NRXN3: variants seen among roughly 807,000 people sequenced by gnomAD.
NRXN3 encodes the protein neurexin 3.
NRXN3 carries 32 observed loss-of-function variants against 137.6 expected under a neutral mutation model. The ratio of observed to expected loss-of-function variants is 0.23; its 90% confidence interval spans 0.18 to 0.31. The LOEUF (loss-of-function observed/expected upper bound fraction) is 0.31, where lower values mean the gene tolerates loss of function less well. NRXN3 is among the 10% of genes least tolerant of loss of function. The pLI, the probability that NRXN3 is intolerant of heterozygous loss-of-function variation, is 1.00. For missense variants in NRXN3, 1,574 were observed against 2,062.5 expected (o/e 0.76, Z 4.59); for synonymous variants, 798 against 784.5 (o/e 1.02, Z -0.29).
At chr14:78,808,459 C>G (rs1367269013) in intron 9 of NRXN3, among the ~76,000 whole-genome samples, 2 of 152,314 alleles carry the variant, frequency 1.3e-5, no homozygotes, top group East Asian at 1.9e-4. Context: ...TTTCCTCTCT[C>G]TCTTTAATAT....
chr14:78,518,969 C>G (rs1400505196), intron 4 of NRXN3, among the ~76,000 whole-genome samples: 2 of 152,114 alleles, frequency 1.3e-5, no homozygotes, highest in Non-Finnish European at 2.9e-5. Context: ...CAGGAACTGT[C>G]ACTCTTCTTC....
At chr14:79,356,127 A>G (rs2093413921) in intron 15 of NRXN3, among the ~76,000 whole-genome samples, 1 of 152,204 alleles carries the variant, frequency 6.6e-6, no homozygotes, top group African/African-American at 2.4e-5. Flanking sequence ...TGTCTTTTAA[A>G]AGACTAAATT....
chr14:78,743,449 A>G (rs946623666), intron 8 of NRXN3, among the ~76,000 whole-genome samples: 10 of 152,218 alleles, frequency 6.6e-5, no homozygotes, highest in African/African-American at 2.4e-4. Flanking sequence ...CACAGAGTCA[A>G]CTTTTGTCTG....
chr14:79,543,894 C>A (rs2097296086), intron 16 of NRXN3, among the ~76,000 whole-genome samples: 1 of 152,142 alleles, frequency 6.6e-6, no homozygotes, highest in African/African-American at 2.4e-5. Context: ...CTGATTCTGG[C>A]ATCTAATTAA....
At chr14:79,623,494 G>A (rs2098246950) in intron 16 of NRXN3, among the ~76,000 whole-genome samples, 1 of 152,186 alleles carries the variant, frequency 6.6e-6, no homozygotes, top group African/African-American at 2.4e-5. Flanking sequence ...CCCATCTTGT[G>A]AATGCAATTC....
intron 10 of NRXN3, among the ~76,000 whole-genome samples, chr14:78,902,264 A>C (rs1388670125): frequency 6.6e-6 from 1 of 151,888 alleles, no homozygotes; most frequent in Non-Finnish European, 1.5e-5. Flanking sequence ...TGGCCAAATT[A>C]CTCCATGAAA....
chr14:78,758,696 T>C (rs1419413095), intron 8 of NRXN3, among the ~76,000 whole-genome samples: 1 of 152,248 alleles, frequency 6.6e-6, no homozygotes. Context: ...AGCGTACTAT[T>C]AAATGTATCA....
In NRXN3 at chr14:79,029,233, C is replaced by T. The variant is rs968622774; in HGVS notation, c.3262+41092C>T. 5.3e-5 allele frequency among the ~76,000 whole-genome samples: 8 copies of T among 151,782 alleles called. No homozygotes were observed. The South Asian group carries it at 8.3e-4, about 16-fold the overall frequency. ...GTTGAGTTTGTGGTGGTTACTTGCC[C>T]CAGGGTATCAAAAGAAGTCTCCAAT... On this transcript the variant is annotated intron_variant, in intron 15 of 20. Transcript: ENST00000335750.
intron 10 of NRXN3, among the ~76,000 whole-genome samples, chr14:78,814,612 TCAAAAACAAAAA>T (rs1384078174): frequency 1.3e-5 from 2 of 152,138 alleles, no homozygotes; most frequent in Non-Finnish European, 2.9e-5. Flanking sequence ...AGACTCCATC[TCAAAAACAAAAA>T]CAAAAACAAA....
intron 15 of NRXN3, among the ~76,000 whole-genome samples, chr14:79,089,927 A>G (rs41495049): frequency 0.057 from 8,659 of 152,252 alleles, 743 homozygotes; most frequent in African/African-American, 0.18. Flanking sequence ...AATCTGAAGC[A>G]TAAATAAAGT....
chr14:79,068,513 C>T (rs1229574813), intron 15 of NRXN3, among the ~76,000 whole-genome samples: 2 of 152,056 alleles, frequency 1.3e-5, no homozygotes, highest in Admixed American at 6.6e-5. Flanking sequence ...CATATGCTGC[C>T]TTGCTGTTTT....
intron 8 of NRXN3, among the ~76,000 whole-genome samples, chr14:78,743,113 G>T (rs2098588219): frequency 6.6e-6 from 1 of 152,154 alleles, no homozygotes. Context: ...AAGCAAAAAA[G>T]ATTTGACTAT....
At chr14:79,417,923 G>A (rs2095520047) in intron 15 of NRXN3, among the ~76,000 whole-genome samples, 1 of 151,486 alleles carries the variant, frequency 6.6e-6, no homozygotes, top group African/African-American at 2.4e-5. Flanking sequence ...ATTAACAAAG[G>A]TAGGTTTGGA....
chr14:79,136,643 A>G (rs2058254859), intron 15 of NRXN3, among the ~76,000 whole-genome samples: 1 of 152,128 alleles, frequency 6.6e-6, no homozygotes, highest in Non-Finnish European at 1.5e-5. Flanking sequence ...TCCTCTCACA[A>G]TGGGGCCAAG....
At chr14:79,618,806 A>C (rs1216822919) in intron 16 of NRXN3, among the ~76,000 whole-genome samples, 3 of 152,178 alleles carry the variant, frequency 2.0e-5, no homozygotes, top group Non-Finnish European at 4.4e-5. Flanking sequence ...ACTAATGTAC[A>C]TTCTCACCAA....
intron 15 of NRXN3, among the ~76,000 whole-genome samples, chr14:79,462,517 G>GTA (rs961066115): frequency 2.4e-4 from 36 of 147,390 alleles, no homozygotes; most frequent in East Asian, 1.8e-3. Context: ...ACACATATAT[G>GTA]TATATATATA....
rs766551508 is a variant in NRXN3, at chr14:79,861,724, G to T, written c.4476G>T (p.Ser1492=). 3 of 1,614,054 alleles carry T rather than the reference G, an allele frequency of 1.9e-6. No individual in the cohort carries two copies. The highest frequency in any genetic ancestry group is 1.3e-5 in the African/African-American group (1 of 75,002). ...GGGCCTCAGAGGTGATCCGGGAGTC[G>T]AGCAGCACAACAGGGATGGTCGTCG... is the stretch of plus-strand genomic sequence containing the variant. The part of the protein sequence containing the change: ...VPGASEVIRE[S]SSTTGMVVGI... Residue 1492 remains serine, a synonymous_variant, in exon 21 of 21, where the codon TCG becomes TCT. Transcript: ENST00000335750. The surrounding 1 kb of genome is among the most constrained non-coding windows in gnomAD (Gnocchi z 5.4).
At chr14:78,879,518 T>C (rs544567135) in intron 10 of NRXN3, among the ~76,000 whole-genome samples, 1 of 152,348 alleles carries the variant, frequency 6.6e-6, no homozygotes, top group Non-Finnish European at 1.5e-5. Context: ...CGTCTGTATG[T>C]CTCCCTGTAG....
At chr14:79,090,990 C>A (rs781728372) in intron 15 of NRXN3, among the ~76,000 whole-genome samples, 1 of 151,752 alleles carries the variant, frequency 6.6e-6, no homozygotes, top group Non-Finnish European at 1.5e-5. Context: ...AAAGGGAACT[C>A]ACAAGGAGGT....
Sources: allele counts gnomAD v4.1 joint callset (sites outside exome capture counted in the v4.1 genomes callset), GRCh38; gene constraint gnomAD v4.1.1; non-coding constraint Gnocchi (gnomAD v3.1); transcripts MANE v1.5; gene names NCBI Gene and HGNC (gene_info 2026-07-23, HGNC 2026-07-21).